ADGRE5: variants seen among roughly 807,000 people sequenced by gnomAD.
The protein encoded by ADGRE5 is CD97 molecule.
ADGRE5 carries 72 observed loss-of-function variants against 100.3 expected under a neutral mutation model. That is an observed-to-expected ratio of 0.72 (90% CI 0.59 to 0.87). The LOEUF is 0.87. Ranked by LOEUF, ADGRE5 falls within the 40% of genes least tolerant of loss-of-function variation. ADGRE5 has a pLI of 0.00. For missense variants in ADGRE5, 959 were observed against 1,094.7 expected (o/e 0.88, Z 1.75); for synonymous variants, 439 against 447.8 (o/e 0.98, Z 0.25).
chr19:14,397,684 C>A lies in ADGRE5; in HGVS notation c.652C>A (p.His218Asn), dbSNP rs748835344. 86 of 1,558,462 alleles carry A rather than the reference C, an allele frequency of 5.5e-5. No individual in the cohort carries two copies. The South Asian group carries it at 9.5e-4, about 17-fold the overall frequency. The stretch of plus-strand genomic sequence containing the variant: ...TGTGGACGAGTGCAGCTCCGGGCAG[C>A]ATCAGTGTGACAGCTCCACCGTCTG... ...EDVDECSSGQ[H>N]QCDSSTVCFN... The change falls in exon 7 of 20, where the codon CAT (histidine) becomes AAT (asparagine). Residue 218 changes from histidine to asparagine, a missense_variant. By Grantham distance (68) the His-to-Asn change is moderately conservative. This residue lies in a region of ADGRE5 where 69 missense variants were observed against 135.0 expected (regional missense o/e 0.51). Transcript: ENST00000242786.
intron 4 of ADGRE5, among the ~76,000 whole-genome samples, chr19:14,392,358 T>C (rs1294870189): frequency 6.6e-6 from 1 of 151,922 alleles, no homozygotes; most frequent in Non-Finnish European, 1.5e-5. Context: ...TGGAGGGCAG[T>C]AGTGTGATCT....
rs1177335537 is a variant in ADGRE5, at chr19:14,402,605, G to A, written c.1192G>A (p.Val398Met). The change falls in exon 12 of 20, where the codon GTG (valine) becomes ATG (methionine). Residue 398 changes from valine (V) to methionine (M), a missense_variant. Transcript: ENST00000242786. ...AAGAEDPGPA[V>M]AGILSIQNMT... ...GTGTGTCTGTTCCCCAGGCCCCGCC[G>A]TGGCGGGCATCCTCTCCATCCAGAA... The A allele has an allele frequency of 8.7e-6, 14 of 1,613,890 alleles. No individual in the cohort carries two copies. Among genetic ancestry groups the A allele is most frequent in the African/African-American group, 4.0e-5 (3 of 74,908 alleles).
chr19:14,394,295 C>T (rs945014045), intron 4 of ADGRE5, among the ~76,000 whole-genome samples: 2 of 152,144 alleles, frequency 1.3e-5, no homozygotes, highest in Non-Finnish European at 2.9e-5. Flanking sequence ...GGGGCCTGGG[C>T]CCCTCCCTTT....
At position 14,407,946 on chromosome 19, in the gene ADGRE5, TGGG is replaced by T; in HGVS notation, c.2419_2421del (p.Gly807del). 1 of 1,614,028 alleles carries T rather than the reference TGGG, an allele frequency of 6.2e-7. No individual in the cohort carries two copies. The highest frequency in any genetic ancestry group is 8.5e-7 in the Non-Finnish European group (1 of 1,180,004). On this transcript the variant is annotated inframe_deletion, in exon 19 of 20. Transcript: ENST00000242786. ...ACCGGAAGTGGGCCTGCCTAGTTGC[TGGG>T]GGGAGCAAGTACTCAGAATTCACCT...
rs193286048 is a variant in ADGRE5 at position 14,408,340 on chromosome 19, T to C, written c.*219T>C. On this transcript the variant is annotated 3_prime_UTR_variant, in exon 20 of 20. Coordinates refer to ENST00000242786, the MANE Select transcript of ADGRE5 (RefSeq NM_078481.4). Reference sequence around the variant, plus strand: ...CACTGGTCCTGCTGCTGGCTGCCTCTCTGCTCCACCTTGTGACCCAGGGTG... The same window carrying C: ...CACTGGTCCTGCTGCTGGCTGCCTCCCTGCTCCACCTTGTGACCCAGGGTG... 1.3e-4 allele frequency: 81 copies of C among 633,360 alleles called. No homozygotes were observed. Among genetic ancestry groups the C allele is most frequent in the South Asian group, 8.8e-4 (49 of 55,834 alleles). 39.2% of individuals were successfully genotyped at this position (633,360 alleles called of 1,614,324 possible). A position where few individuals can be genotyped will look rare whatever the true frequency, so the allele number is the denominator to read the frequency against.
Position 14,402,713 on chromosome 19 carries a change from A to G in ADGRE5, c.1300A>G (p.Ile434Val). ...AELEEIYESSIRGVQLRRLSA... is the reference protein window; with the variant it reads ...AELEEIYESSVRGVQLRRLSA... ...ACTGGAGGAGATATATGAAAGCAGC[A>G]TCCGTGGTGTCCAACTCAGACGCCT... is the stretch of plus-strand genomic sequence containing the variant. Residue 434 changes from isoleucine to valine, a missense_variant, in exon 12 of 20, where the codon ATC (isoleucine) becomes GTC (valine). Around this residue, in one of 6 missense-constraint regions of ADGRE5, gnomAD observed 246 missense variants for 242.2 expected, o/e 1.02. Coordinates refer to ENST00000242786, the MANE Select transcript of ADGRE5 (RefSeq NM_078481.4). The G allele has an allele frequency of 6.2e-7, 1 of 1,614,162 alleles. No homozygotes were observed. Among genetic ancestry groups the G allele is most frequent in the Admixed American group, 1.7e-5 (1 of 60,014 alleles).
At chr19:14,384,742 C>G (rs1315386132) in intron 1 of ADGRE5, among the ~76,000 whole-genome samples, 1 of 151,696 alleles carries the variant, frequency 6.6e-6, no homozygotes, top group African/African-American at 2.4e-5. Context: ...GTTTCCCCTT[C>G]TGCTCTTTAT....
At chr19:14,396,205 T>C in intron 4 of ADGRE5, 137 bp from the exon 5 acceptor site, 1 of 1,514,378 alleles carries the variant, frequency 6.6e-7, no homozygotes, top group Non-Finnish European at 9.0e-7. Flanking sequence ...CACCATAGGA[T>C]GCCTCTGTGT....
chr19:14,401,819 G>C lies in ADGRE5; in HGVS notation c.1183+59G>C. On this transcript the variant is annotated intron_variant, in intron 11 of 19. Coordinates refer to ENST00000242786, the MANE Select transcript of ADGRE5 (RefSeq NM_078481.4). The surrounding 1 kb of genome is among the most constrained non-coding windows in gnomAD (Gnocchi z 4.1). ...GAGAGAGATGGAGGTGCTGGGATGG[G>C]GCCAGGGTGAGGTTCAGAATAGAAC... 8.2e-7 allele frequency: 1 copy of C among 1,214,402 alleles called. No homozygotes were observed. Among genetic ancestry groups the C allele is most frequent in the South Asian group, 1.5e-5 (1 of 66,082 alleles). 75.2% of individuals were successfully genotyped at this position (1,214,402 alleles called of 1,614,324 possible).
Position 14,397,124 on chromosome 19 carries a change from C to T in ADGRE5, c.526C>T (p.His176Tyr). The T allele has an allele frequency of 6.2e-7, 1 of 1,614,136 alleles. No individual in the cohort carries two copies. Among genetic ancestry groups the T allele is most frequent in the Non-Finnish European group, 8.5e-7 (1 of 1,180,034 alleles). Reference protein sequence around the residue: ...SGQNPCHSSTHCLNNVGSYQC... With the variant: ...SGQNPCHSSTYCLNNVGSYQC... ...ACAAAACCCGTGCCACAGCTCCACC[C>T]ACTGCCTCAACAACGTGGGCAGCTA... The change falls in exon 6 of 20, where the codon CAC becomes TAC. Residue 176 changes from histidine (H) to tyrosine (Y), a missense_variant. Transcript: ENST00000242786.
intron 4 of ADGRE5, among the ~76,000 whole-genome samples, chr19:14,393,199 T>C (rs1295164529): frequency 6.9e-6 from 1 of 145,312 alleles, no homozygotes; most frequent in Admixed American, 6.9e-5. Flanking sequence ...AGACTCCATC[T>C]AAAAAAAAAA....
Position 14,401,444 on chromosome 19 carries a change from C to A in ADGRE5, c.956C>A (p.Ala319Glu). 1 of 1,614,066 alleles carries A rather than the reference C, an allele frequency of 6.2e-7. No individual in the cohort carries two copies. Among genetic ancestry groups the A allele is most frequent in the Middle Eastern group, 1.6e-4 (1 of 6,062 alleles). The change falls in exon 10 of 20, where the codon GCG becomes GAG. Residue 319 changes from alanine to glutamate, a missense_variant. Ala to Glu is a moderately radical substitution (Grantham distance 107). Coordinates refer to ENST00000242786, the MANE Select transcript of ADGRE5 (RefSeq NM_078481.4). This position sits in a 1 kb window ranked among gnomAD's most constrained non-coding sequence, Gnocchi z 4.1. ...MEAPGDVEAL[A>E]PPVRHLIATQ... The stretch of plus-strand genomic sequence containing the variant: ...GCTCCTGGAGACGTAGAGGCCCTGG[C>A]GCCACCTGTCCGGCACCTCATAGCC...
At chr19:14,407,336 C>T (rs1976302617) in intron 18 of ADGRE5, 107 bp downstream of exon 18, 2 of 1,260,910 alleles carry the variant, frequency 1.6e-6, no homozygotes, top group South Asian at 2.6e-5. Context: ...GCCTGGGCAA[C>T]ATAACCAGAT....
rs2302091 is a variant in ADGRE5, at chr19:14,388,603, C to T, written c.74-99C>T. 2.7e-3 allele frequency: 4,364 copies of T among 1,603,486 alleles called. 15 individuals carry two copies. Among genetic ancestry groups the T allele is most frequent in the African/African-American group, 8.0e-3 (598 of 74,544 alleles). On this transcript the variant is annotated intron_variant, in intron 2 of 19. Transcript: ENST00000242786. The stretch of plus-strand genomic sequence containing the variant: ...TCAGCCCAGGGAAAGAGAGGGCTCG[C>T]GCACGAGAAACTCAGCGCCCTGCCC...
chr19:14,391,119 G>T, intron 4 of ADGRE5, 40 bp downstream of exon 4: 2 of 1,611,846 alleles, frequency 1.2e-6, no homozygotes, highest in Non-Finnish European at 1.7e-6. Context: ...CCATCCATGA[G>T]GTTTGGGGTC....
intron 3 of ADGRE5, 126 bp downstream of exon 3, chr19:14,388,944 A>C: frequency 1.0e-6 from 1 of 960,222 alleles, no homozygotes; most frequent in East Asian, 2.4e-5. Context: ...TGGCCAGAGA[A>C]AAGAAAAAGA....
chr19:14,406,052 C>T lies in ADGRE5; in HGVS notation c.1821+113C>T, dbSNP rs999259579. On this transcript the variant is annotated intron_variant, in intron 14 of 19. Transcript: ENST00000242786. The surrounding 1 kb of genome is among the most constrained non-coding windows in gnomAD (Gnocchi z 6.0). ...GTAGGCGGGCCCTGGAGGCATGAGG[C>T]CCCGCCCCTGTCCGGGATCTGGCCC... 3 of 935,612 alleles carry T rather than the reference C, an allele frequency of 3.2e-6. No individual in the cohort carries two copies. Among genetic ancestry groups the T allele is most frequent in the Admixed American group, 2.9e-5 (1 of 34,974 alleles). 58.0% of individuals were successfully genotyped at this position (935,612 alleles called of 1,614,324 possible).
At chr19:14,395,594 C>T (rs894312400) in intron 4 of ADGRE5, among the ~76,000 whole-genome samples, 20 of 152,368 alleles carry the variant, frequency 1.3e-4, no homozygotes, top group South Asian at 4.1e-4. Flanking sequence ...CAGGCCCCCG[C>T]TCACGGCCAG....
rs530867349 is a variant in ADGRE5 at position 14,393,982 on chromosome 19, C to T, written c.347-2360C>T. Among the ~76,000 whole-genome samples, 19 of 152,316 alleles carry T rather than the reference C, an allele frequency of 1.2e-4. 1 individual carries two copies. The highest frequency in any genetic ancestry group is 4.6e-4 in the African/African-American group (19 of 41,580). On this transcript the variant is annotated intron_variant, in intron 4 of 19. Coordinates refer to ENST00000242786, the MANE Select transcript of ADGRE5 (RefSeq NM_078481.4). ...ATTGGCCCAATACCTGTGCAGTGAG[C>T]AACCTGCACAGCTGTACTTGGTGAT...
Sources: gnomAD v4.1 joint callset for allele counts (sites outside exome capture counted in the v4.1 genomes callset) on GRCh38, gnomAD v4.1.1 for gene constraint, gnomAD v4.1.1 regional missense constraint, Gnocchi (gnomAD v3.1) non-coding constraint, MANE v1.5 for transcripts, NCBI Gene and HGNC (gene_info 2026-07-23, HGNC 2026-07-21) for gene names.